The following GDAP2 variants were observed in gnomAD, a reference collection of about 807,000 sequenced individuals.
GDAP2 encodes the protein ganglioside induced differentiation associated protein 2, also known as ganglioside-induced differentiation-associated protein 2.
GDAP2 carries 51 observed loss-of-function variants against 67.0 expected under a neutral mutation model. The observed-to-expected ratio is 0.76, with a 90% CI of 0.61 to 0.96. GDAP2 has a LOEUF of 0.96. GDAP2 is among the 40% of genes least tolerant of loss of function. GDAP2 has a pLI of 0.00. For missense variants in GDAP2, 547 were observed against 588.3 expected (o/e 0.93, Z 0.73); for synonymous variants, 203 against 207.3 (o/e 0.98, Z 0.18).
intron 13 of GDAP2, among the ~76,000 whole-genome samples, chr1:117,872,395 G>A (rs568364204): frequency 5.9e-5 from 9 of 152,220 alleles, no homozygotes; most frequent in African/African-American, 9.6e-5. Flanking sequence ...GCACATGTAT[G>A]TTTACTGCAG....
At chr1:117,888,495 A>C (rs1648947777) in intron 8 of GDAP2, among the ~76,000 whole-genome samples, 1 of 152,192 alleles carries the variant, frequency 6.6e-6, no homozygotes, top group South Asian at 2.1e-4. Context: ...AGTTCATCTC[A>C]GACTTCCCAG....
At chr1:117,872,064 A>G (rs1420133450) in intron 13 of GDAP2, among the ~76,000 whole-genome samples, 2 of 152,114 alleles carry the variant, frequency 1.3e-5, no homozygotes, top group African/African-American at 2.4e-5. Flanking sequence ...AGACATATAT[A>G]TGGCCAACAA....
intron 5 of GDAP2, among the ~76,000 whole-genome samples, chr1:117,909,894 C>T (rs963336231): frequency 2.6e-5 from 4 of 152,046 alleles, no homozygotes; most frequent in Admixed American, 2.0e-4. Context: ...CTATTCAGAA[C>T]CTTTTCTACA....
At chr1:117,888,884 T>C (rs1279812114) in intron 8 of GDAP2, among the ~76,000 whole-genome samples, 1 of 152,092 alleles carries the variant, frequency 6.6e-6, no homozygotes, top group African/African-American at 2.4e-5. Flanking sequence ...CAACTGAAAA[T>C]ATTTAATGGG....
Position 117,874,055 on chromosome 1 carries a change from A to G in GDAP2, c.1447-3439T>C, listed in dbSNP as rs139805570. ...CCTTGCAGAACACTCTTCACTGACT[A>G]CAAAGCCAAAGACCTGCAGCACTAA... On this transcript the variant is annotated intron_variant, in intron 13 of 13. Transcript: ENST00000369443. Among the ~76,000 whole-genome samples the G allele has an allele frequency of 3.2e-4, 49 of 152,350 alleles. No individual in the cohort carries two copies. The East Asian group carries it at 9.3e-3, about 29-fold the overall frequency.
intron 5 of GDAP2, among the ~76,000 whole-genome samples, chr1:117,911,526 A>C (rs920773934): frequency 6.6e-6 from 1 of 152,120 alleles, no homozygotes; most frequent in Admixed American, 6.5e-5. Flanking sequence ...CTCTGAATCT[A>C]TTCTGGTTTT....
At position 117,910,115 on chromosome 1, in the gene GDAP2, A is replaced by G. The variant is rs114924888; in HGVS notation, c.559+1879T>C. 7.3e-3 allele frequency among the ~76,000 whole-genome samples: 1,108 copies of G among 152,256 alleles called. 11 individuals are homozygous for G. Among genetic ancestry groups the G allele is most frequent in the African/African-American group, 0.025 (1,030 of 41,546 alleles). On this transcript the variant is annotated intron_variant, in intron 5 of 13. Coordinates refer to ENST00000369443, the MANE Select transcript of GDAP2 (RefSeq NM_017686.4). ...GAAGATAGGCATGTAATAACATAGT[A>G]GTCTTCCACTGAAGCAGTTCTAACT... is the stretch of plus-strand genomic sequence containing the variant.
chr1:117,879,016 T>C (rs1648562101), intron 12 of GDAP2, among the ~76,000 whole-genome samples: 1 of 152,198 alleles, frequency 6.6e-6, no homozygotes. Context: ...GCAGGCTTCT[T>C]ATAATAACAT....
chr1:117,874,768 CAG>C (rs1368752061), intron 13 of GDAP2, among the ~76,000 whole-genome samples: 1 of 152,166 alleles, frequency 6.6e-6, no homozygotes, highest in Non-Finnish European at 1.5e-5. Context: ...GAAATACAGA[CAG>C]TAAAGGCCAT....
chr1:117,892,632 C>A (rs560496221), intron 8 of GDAP2, among the ~76,000 whole-genome samples: 1 of 152,168 alleles, frequency 6.6e-6, no homozygotes, highest in Non-Finnish European at 1.5e-5. Flanking sequence ...ATAGCCACTA[C>A]AGTGCTCTAA....
chr1:117,878,958 T>C (rs1286775847), intron 12 of GDAP2, among the ~76,000 whole-genome samples: 8 of 152,214 alleles, frequency 5.3e-5, no homozygotes, highest in Non-Finnish European at 1.2e-4. Context: ...AGGTAACGTA[T>C]GCAGGAAATA....
intron 3 of GDAP2, among the ~76,000 whole-genome samples, chr1:117,915,358 T>A (rs1043546986): frequency 6.6e-6 from 1 of 152,180 alleles, no homozygotes; most frequent in Non-Finnish European, 1.5e-5. Flanking sequence ...CAGGGGACTG[T>A]GCTGGATTAC....
intron 10 of GDAP2, among the ~76,000 whole-genome samples, chr1:117,886,200 A>G (rs1648847164): frequency 6.6e-6 from 1 of 152,112 alleles, no homozygotes; most frequent in Non-Finnish European, 1.5e-5. Context: ...TCTTGGGTAA[A>G]CTACATTTCT....
At chr1:117,897,108 T>C (rs2101136814) in intron 7 of GDAP2, 119 bp from the exon 8 acceptor site, 1 of 616,172 alleles carries the variant, frequency 1.6e-6, no homozygotes, top group Non-Finnish European at 2.7e-6. Flanking sequence ...CAAGGTTATT[T>C]TTGAGAATGA....
intron 6 of GDAP2, among the ~76,000 whole-genome samples, chr1:117,901,741 G>A (rs538593106): frequency 6.6e-6 from 1 of 151,996 alleles, no homozygotes; most frequent in Non-Finnish European, 1.5e-5. Context: ...TTTCTGGCCT[G>A]GGAAGACTGT....
At position 117,918,751 on chromosome 1, in the gene GDAP2, A is replaced by G; in HGVS notation, c.177-15T>C. On this transcript the variant is annotated splice_polypyrimidine_tract_variant and intron_variant, in intron 2 of 13. Coordinates refer to ENST00000369443, the MANE Select transcript of GDAP2 (RefSeq NM_017686.4). ...CATCTCCTTTCCTGAAGAAACAATAAAGAATGAACAAGTGTGGGGAAAAAG... is the reference window on the plus strand; with the variant it reads ...CATCTCCTTTCCTGAAGAAACAATAGAGAATGAACAAGTGTGGGGAAAAAG... 1 of 1,582,304 alleles carries G rather than the reference A, an allele frequency of 6.3e-7. No individual in the cohort carries two copies. The highest frequency in any genetic ancestry group is 8.7e-7 in the Non-Finnish European group (1 of 1,154,358).
chr1:117,912,807 G>T, intron 3 of GDAP2, 124 bp from the exon 4 acceptor site: 1 of 769,864 alleles, frequency 1.3e-6, no homozygotes. Flanking sequence ...AATACAGACT[G>T]AACACAAGCA....
chr1:117,872,259 A>G (rs570960663), intron 13 of GDAP2, among the ~76,000 whole-genome samples: 42 of 152,328 alleles, frequency 2.8e-4, no homozygotes, highest in African/African-American at 8.9e-4. Flanking sequence ...AAATTAGTTC[A>G]ACCACTGTGG....
At chr1:117,907,287 T>C (rs1043433706) in intron 5 of GDAP2, among the ~76,000 whole-genome samples, 19 of 152,214 alleles carry the variant, frequency 1.2e-4, no homozygotes, top group African/African-American at 2.4e-5. Flanking sequence ...TTTTTATTTT[T>C]TTGATATACT....
Sources: allele counts gnomAD v4.1 joint callset (sites outside exome capture counted in the v4.1 genomes callset), GRCh38; gene constraint gnomAD v4.1.1; transcripts MANE v1.5; gene names NCBI Gene and HGNC (gene_info 2026-07-23, HGNC 2026-07-21).